Variants in TMEM221 observed in about 807,000 individuals in gnomAD.
TMEM221 encodes Putative transmembrane protein ENSP00000342162.
Under a neutral mutation model 10.2 loss-of-function variants are expected in TMEM221, and 11 were observed. The ratio of observed to expected loss-of-function variants is 1.08; its 90% CI spans 0.68 to 1.79. The LOEUF is 1.79. TMEM221 is among the 40% of genes most tolerant of loss of function. The probability of loss-of-function intolerance (pLI) is 0.00; values close to 1 mark genes in which losing one functional copy is unlikely to be tolerated. For synonymous variants in TMEM221, 172 were observed against 199.8 expected, an observed-to-expected ratio of 0.86 and a Z score of 1.18; for missense variants, 382 against 417.7, an observed-to-expected ratio of 0.91 and a Z score of 0.75.
chr19:17,436,960 C>A, intron 2 of TMEM221, 33 bp from the exon 3 acceptor site: 2 of 1,369,646 alleles, frequency 1.5e-6, no homozygotes, highest in South Asian at 3.9e-5. Flanking sequence ...TTTATTCAGT[C>A]AACAAACATT....
At chr19:17,440,878 C>T (rs1387522463) in intron 2 of TMEM221, among the ~76,000 whole-genome samples, 1 of 152,066 alleles carries the variant, frequency 6.6e-6, no homozygotes, top group Non-Finnish European at 1.5e-5. Context: ...GATTCACAAC[C>T]CCTCTCTGGC....
intron 2 of TMEM221, among the ~76,000 whole-genome samples, chr19:17,440,641 G>C (rs1397317988): frequency 3.3e-5 from 5 of 152,116 alleles, no homozygotes; most frequent in Admixed American, 6.6e-5. Context: ...GAGGCAGGAG[G>C]ATTGCTTGAG....
Position 17,448,532 on chromosome 19 carries a change from G to T in TMEM221, c.-70C>A. On this transcript the variant is annotated 5_prime_UTR_variant, in exon 1 of 3. Transcript: ENST00000341130. The surrounding 1 kb of genome is among the most constrained non-coding windows in gnomAD (Gnocchi z 4.7). ...TGGTTTTAGAGGGCAGGGGAGTTGG[G>T]GGGAATCCGAGGGTCCTCAGGGGGT... The T allele has an allele frequency of 7.7e-7, 1 of 1,293,838 alleles. No individual in the cohort carries two copies. Among genetic ancestry groups the T allele is most frequent in the Middle Eastern group, 2.2e-4 (1 of 4,634 alleles). 80.1% of individuals were successfully genotyped at this position (1,293,838 alleles called of 1,614,324 possible). A position where few individuals can be genotyped will look rare whatever the true frequency, so the allele number is the denominator to read the frequency against.
intron 2 of TMEM221, among the ~76,000 whole-genome samples, chr19:17,439,697 GAA>G (rs71162129): frequency 1.9e-3 from 250 of 134,834 alleles, no homozygotes; most frequent in South Asian, 4.3e-3. Flanking sequence ...CGAGAAAAAA[GAA>G]AAAAAAAAAA....
chr19:17,448,132 A>G lies in TMEM221; in HGVS notation c.320+11T>C. 1 of 1,374,780 alleles carries G rather than the reference A, an allele frequency of 7.3e-7. No individual in the cohort carries two copies. Among genetic ancestry groups the G allele is most frequent in the Non-Finnish European group, 9.3e-7 (1 of 1,069,918 alleles). 85.2% of individuals were successfully genotyped at this position (1,374,780 alleles called of 1,614,324 possible). ...GCCGGGCCTCCGAGGCGGTGAGGCC[A>G]GTCCTCCTACCTCCTGGGGCCAGGC... On this transcript the variant is annotated intron_variant, in intron 1 of 2. Transcript: ENST00000341130. This position sits in a 1 kb window ranked among gnomAD's most constrained non-coding sequence, Gnocchi z 4.7.
chr19:17,444,382 CAA>C (rs1366234427), intron 2 of TMEM221, among the ~76,000 whole-genome samples: 2 of 151,682 alleles, frequency 1.3e-5, no homozygotes, highest in Non-Finnish European at 2.9e-5. Context: ...TGCGCCTGGC[CAA>C]AATGCTATCT....
Position 17,448,511 on chromosome 19 carries a change from T to C in TMEM221, c.-49A>G. 7.2e-7 allele frequency: 1 copy of C among 1,396,072 alleles called. No homozygotes were observed. Among genetic ancestry groups the C allele is most frequent in the Non-Finnish European group, 9.3e-7 (1 of 1,071,844 alleles). The allele number at this position is 1,396,072 out of a possible 1,614,324, so 86.5% of individuals were successfully genotyped here. A position where few individuals can be genotyped will look rare whatever the true frequency, so the allele number is the denominator to read the frequency against. ...GGAAGAGTTGAGGAATTGAAGTGGT[T>C]TTAGAGGGCAGGGGAGTTGGGGGGA... On this transcript the variant is annotated 5_prime_UTR_variant, in exon 1 of 3. Transcript: ENST00000341130. The surrounding 1 kb of genome is among the most constrained non-coding windows in gnomAD (Gnocchi z 4.7).
At chr19:17,443,069 A>T (rs2074938193) in intron 2 of TMEM221, among the ~76,000 whole-genome samples, 1 of 151,840 alleles carries the variant, frequency 6.6e-6, no homozygotes, top group African/African-American at 2.4e-5. Flanking sequence ...ACCTGAGGTC[A>T]GGAGATCGTA....
Position 17,435,995 on chromosome 19 carries a change from G to T in TMEM221, c.*463C>A. 6.5e-6 allele frequency: 1 copy of T among 154,602 alleles called. No individual in the cohort carries two copies. Among genetic ancestry groups the T allele is most frequent in the Non-Finnish European group, 1.4e-5 (1 of 69,724 alleles). 9.6% of individuals were successfully genotyped at this position (154,602 alleles called of 1,614,324 possible). ...GCTCTGGTGCTCAGTCCTGGCCGTG[G>T]GCCCCCTGGTGAGTCACTGCCTCTC... On this transcript the variant is annotated 3_prime_UTR_variant, in exon 3 of 3. Coordinates refer to ENST00000341130, the MANE Select transcript of TMEM221 (RefSeq NM_001190844.2).
intron 1 of TMEM221, among the ~76,000 whole-genome samples, chr19:17,446,492 T>C (rs189173430): frequency 6.6e-6 from 1 of 152,246 alleles, no homozygotes; most frequent in Admixed American, 6.5e-5. Flanking sequence ...GCTTCCATCC[T>C]CACTCAGCTC....
At chr19:17,437,284 T>G (rs946350956) in intron 2 of TMEM221, among the ~76,000 whole-genome samples, 10 of 152,184 alleles carry the variant, frequency 6.6e-5, no homozygotes, top group Admixed American at 6.5e-4. Context: ...GGGCCAGGGC[T>G]TCCCTGAGGA....
chr19:17,443,519 G>A (rs373652819), intron 2 of TMEM221, among the ~76,000 whole-genome samples: 12 of 151,150 alleles, frequency 7.9e-5, no homozygotes, highest in Non-Finnish European at 1.5e-4. Context: ...ATGGTGGGGT[G>A]GGGGGGCGGT....
intron 2 of TMEM221, among the ~76,000 whole-genome samples, chr19:17,443,271 A>T (rs2074938925): frequency 6.6e-6 from 1 of 151,738 alleles, no homozygotes; most frequent in East Asian, 1.9e-4. Flanking sequence ...ACAGAGCGAG[A>T]CTCCGCATCA....
At chr19:17,443,927 T>C (rs1325580281) in intron 2 of TMEM221, among the ~76,000 whole-genome samples, 1 of 151,634 alleles carries the variant, frequency 6.6e-6, no homozygotes, top group African/African-American at 2.4e-5. Context: ...AGAAAAGTTA[T>C]TACAAATCAG....
rs1252727181 is a variant in TMEM221, at chr19:17,435,893, G to A, written c.*565C>T. ...GATTTGAAATGTTCACAGCCCGAGGGGGTGCAGTGGATTTTGCAGAGTCTG... is the reference window on the plus strand; with the variant it reads ...GATTTGAAATGTTCACAGCCCGAGGAGGTGCAGTGGATTTTGCAGAGTCTG... On this transcript the variant is annotated 3_prime_UTR_variant, in exon 3 of 3. Transcript: ENST00000341130. 6.6e-6 allele frequency: 1 copy of A among 152,518 alleles called. No homozygotes were observed. The highest frequency in any genetic ancestry group is 1.5e-5 in the Non-Finnish European group (1 of 68,210). 9.4% of individuals were successfully genotyped at this position (152,518 alleles called of 1,614,324 possible).
intron 1 of TMEM221, among the ~76,000 whole-genome samples, chr19:17,445,725 TCCAC>T (rs2074950491): frequency 6.7e-6 from 1 of 149,650 alleles, no homozygotes; most frequent in Non-Finnish European, 1.5e-5. Flanking sequence ...CACTTATCCA[TCCAC>T]CCATCCATCC....
chr19:17,439,945 T>C (rs1159003484), intron 2 of TMEM221, among the ~76,000 whole-genome samples: 2 of 152,110 alleles, frequency 1.3e-5, no homozygotes, highest in Admixed American at 6.6e-5. Context: ...ATCCCAGCAC[T>C]TTTGGAAGCC....
Position 17,445,375 on chromosome 19 carries a change from A to G in TMEM221, c.321-91T>C. 7.3e-6 allele frequency: 8 copies of G among 1,093,526 alleles called. No individual in the cohort carries two copies. In the South Asian group the frequency reaches 1.2e-4, roughly 16 times the overall value. 67.7% of individuals were successfully genotyped at this position (1,093,526 alleles called of 1,614,324 possible). ...AGGACAGGGAGGGAGAGCCGCTTAA[A>G]TGAGACAAGGACCCAGCTTTCAGGG... On this transcript the variant is annotated intron_variant, in intron 1 of 2. Coordinates refer to ENST00000341130, the MANE Select transcript of TMEM221 (RefSeq NM_001190844.2).
chr19:17,437,252 A>G (rs1005086342), intron 2 of TMEM221, among the ~76,000 whole-genome samples: 1 of 152,216 alleles, frequency 6.6e-6, no homozygotes, highest in Middle Eastern at 3.2e-3. Context: ...GACAACAGAA[A>G]GAGACTAATT....
Sources: gnomAD v4.1 joint callset for allele counts (sites outside exome capture counted in the v4.1 genomes callset) on GRCh38, gnomAD v4.1.1 for gene constraint, Gnocchi (gnomAD v3.1) non-coding constraint, MANE v1.5 for transcripts, NCBI Gene and HGNC (gene_info 2026-07-23, HGNC 2026-07-21) for gene names.